KCNH8: variants seen among roughly 807,000 people sequenced by gnomAD.
KCNH8 encodes the protein voltage-gated delayed rectifier potassium channel KCNH8.
A neutral mutation model predicts 103.6 loss-of-function variants in KCNH8; 70 were observed. The ratio of observed to expected loss-of-function variants is 0.68; its 90% CI spans 0.56 to 0.82. The LOEUF is 0.82. KCNH8 is among the 40% of genes least tolerant of loss of function. The probability of loss-of-function intolerance (pLI) is 0.00; values close to 1 mark genes in which losing one functional copy is unlikely to be tolerated. For missense variants in KCNH8, 1,217 were observed against 1,329.9 expected (o/e 0.92, Z 1.32); for synonymous variants, 498 against 489.4 (o/e 1.02, Z -0.23).
intron 13 of KCNH8, among the ~76,000 whole-genome samples, chr3:19,514,148 CGAA>C (rs1392683213): frequency 1.3e-5 from 2 of 151,886 alleles, no homozygotes; most frequent in Non-Finnish European, 2.9e-5. Flanking sequence ...AATATTTTGT[CGAA>C]GATCTCAGAG....
intron 7 of KCNH8, among the ~76,000 whole-genome samples, chr3:19,397,563 A>G (rs1425217250): frequency 6.6e-6 from 1 of 150,970 alleles, no homozygotes; most frequent in Non-Finnish European, 1.5e-5. Flanking sequence ...GTGTATATAT[A>G]CATATATATA....
chr3:19,483,919 T>C (rs144685260), intron 11 of KCNH8, among the ~76,000 whole-genome samples: 152 of 152,316 alleles, frequency 1.0e-3, no homozygotes, highest in African/African-American at 3.5e-3. Context: ...TTTATTCAAA[T>C]GGCCTAAATG....
At chr3:19,259,413 G>A (rs1205306591) in intron 2 of KCNH8, among the ~76,000 whole-genome samples, 2 of 151,606 alleles carry the variant, frequency 1.3e-5, no homozygotes. Context: ...ATTTTATTAT[G>A]CCAACCAGCA....
In KCNH8 at chr3:19,534,756, TTC is replaced by T. The variant is rs2069239060; in HGVS notation, c.*658_*659del. ...TTTATAAAGAAATGAATGTTTTCTT[TTC>T]ATTTTGGTAAAAAAAAAGCTTGCTG... On this transcript the variant is annotated 3_prime_UTR_variant, in exon 16 of 16. Transcript: ENST00000328405. 6.6e-6 allele frequency: 1 copy of T among 152,554 alleles called. No homozygotes were observed. Among genetic ancestry groups the T allele is most frequent in the Non-Finnish European group, 1.5e-5 (1 of 68,052 alleles). The allele number at this position is 152,554 out of a possible 1,614,324, so 9.5% of individuals were successfully genotyped here.
chr3:19,347,817 AGCTG>A lies in KCNH8; in HGVS notation c.669_672del (p.Trp224ThrfsTer13). 1 of 1,613,416 alleles carries A rather than the reference AGCTG, an allele frequency of 6.2e-7. No individual in the cohort carries two copies. The highest frequency in any genetic ancestry group is 8.5e-7 in the Non-Finnish European group (1 of 1,179,502). On this transcript the variant is annotated frameshift_variant, in exon 5 of 16. Coordinates refer to ENST00000328405, the MANE Select transcript of KCNH8 (RefSeq NM_144633.3). LOFTEE classifies it high-confidence loss of function. ...TACTTCTGCATTTTAGCACTTTTAA[AGCTG>A]GCTGGGACTGGCTTATTTTGTTGGC...
At chr3:19,406,814 T>G (rs1239372894) in intron 7 of KCNH8, among the ~76,000 whole-genome samples, 1 of 152,182 alleles carries the variant, frequency 6.6e-6, no homozygotes, top group Admixed American at 6.5e-5. Flanking sequence ...GGGGAGAACA[T>G]AGATTGAGTG....
chr3:19,481,235 G>T (rs942918324), intron 11 of KCNH8, among the ~76,000 whole-genome samples: 2 of 151,826 alleles, frequency 1.3e-5, no homozygotes, highest in Admixed American at 6.6e-5. Flanking sequence ...CTGACTAGGG[G>T]GAATCACTGC....
chr3:19,483,097 G>A (rs572062811), intron 11 of KCNH8, among the ~76,000 whole-genome samples: 17 of 152,020 alleles, frequency 1.1e-4, no homozygotes, highest in African/African-American at 3.9e-4. Context: ...AGACAGGGAA[G>A]CTAGGAGTTT....
At chr3:19,431,851 C>A (rs1187515585) in intron 7 of KCNH8, among the ~76,000 whole-genome samples, 1 of 151,962 alleles carries the variant, frequency 6.6e-6, no homozygotes, top group Admixed American at 6.6e-5. Context: ...GTAATATCAC[C>A]CTTATAATTT....
At chr3:19,205,601 C>T (rs979889651) in intron 1 of KCNH8, among the ~76,000 whole-genome samples, 1 of 151,938 alleles carries the variant, frequency 6.6e-6, no homozygotes, top group Non-Finnish European at 1.5e-5. Context: ...CTGATAGAAA[C>T]ATGCTCAGTG....
chr3:19,429,745 AG>A (rs2067091702), intron 7 of KCNH8, among the ~76,000 whole-genome samples: 1 of 152,106 alleles, frequency 6.6e-6, no homozygotes, highest in Non-Finnish European at 1.5e-5. Flanking sequence ...GCCCTCTGAA[AG>A]GCCCCAGTGT....
At chr3:19,248,047 T>C (rs2064228141) in intron 1 of KCNH8, among the ~76,000 whole-genome samples, 1 of 152,108 alleles carries the variant, frequency 6.6e-6, no homozygotes, top group Non-Finnish European at 1.5e-5. Context: ...GAATTAAAAG[T>C]TTTACAGGCC....
chr3:19,269,409 G>C (rs1284999732), intron 2 of KCNH8, among the ~76,000 whole-genome samples: 1 of 151,966 alleles, frequency 6.6e-6, no homozygotes, highest in Non-Finnish European at 1.5e-5. Context: ...AAGAAATCTT[G>C]TTAAAAATGC....
intron 1 of KCNH8, among the ~76,000 whole-genome samples, chr3:19,213,890 A>C (rs568447150): frequency 6.6e-6 from 1 of 152,310 alleles, no homozygotes; most frequent in East Asian, 1.9e-4. Flanking sequence ...GTCAAAACAC[A>C]GTCCCTCTGC....
chr3:19,309,207 G>A (rs2065178858), intron 3 of KCNH8, among the ~76,000 whole-genome samples: 2 of 152,058 alleles, frequency 1.3e-5, no homozygotes, highest in South Asian at 2.1e-4. Context: ...GACCCCAACA[G>A]CAAGTGCTGC....
At chr3:19,170,249 T>A (rs1322655380) in intron 1 of KCNH8, among the ~76,000 whole-genome samples, 1 of 152,204 alleles carries the variant, frequency 6.6e-6, no homozygotes. Context: ...GTCCTATTTT[T>A]ACCCCTTTCT....
chr3:19,518,587 A>G (rs1462633766), intron 15 of KCNH8, among the ~76,000 whole-genome samples: 1 of 151,942 alleles, frequency 6.6e-6, no homozygotes, highest in Non-Finnish European at 1.5e-5. Context: ...TAACAGTTTT[A>G]TTGAGGTATA....
At chr3:19,376,101 C>A (rs2066194477) in intron 5 of KCNH8, among the ~76,000 whole-genome samples, 1 of 152,186 alleles carries the variant, frequency 6.6e-6, no homozygotes, top group Admixed American at 6.5e-5. Context: ...GGCAGGCAGG[C>A]CTCCTTGAGC....
intron 1 of KCNH8, among the ~76,000 whole-genome samples, chr3:19,244,548 G>C (rs2064180842): frequency 6.6e-6 from 1 of 152,124 alleles, no homozygotes; most frequent in South Asian, 2.1e-4. Flanking sequence ...TCTCCAAACT[G>C]CTTTCCACAG....
Sources: allele counts gnomAD v4.1 joint callset (sites outside exome capture counted in the v4.1 genomes callset), GRCh38; gene constraint gnomAD v4.1.1; transcripts MANE v1.5; gene names NCBI Gene and HGNC (gene_info 2026-07-23, HGNC 2026-07-21).